Variants in NR3C1 observed in about 807,000 individuals in gnomAD.
The protein encoded by NR3C1 is nuclear receptor subfamily 3 group C member 1, also known as glucocorticoid receptor.
A neutral mutation model predicts 74.0 loss-of-function variants in NR3C1; 14 were observed. The ratio of observed to expected loss-of-function variants is 0.19; its 90% confidence interval spans 0.12 to 0.30. The LOEUF is 0.30. Ranked by LOEUF, NR3C1 falls within the 10% of genes least tolerant of loss-of-function variation. The pLI, the probability that NR3C1 is intolerant of heterozygous loss-of-function variation, is 1.00. For synonymous variants in NR3C1, 308 were observed against 332.5 expected (o/e 0.93, Z 0.80); for missense variants, 695 against 909.8 (o/e 0.76, Z 3.04).
At chr5:143,434,439 T>G in intron 1 of NR3C1, 1 of 646,310 alleles carries the variant, frequency 1.5e-6, no homozygotes, top group Non-Finnish European at 1.9e-6. Context: ...TGTCTTTTTT[T>G]CTGATGCTCT....
intron 2 of NR3C1, among the ~76,000 whole-genome samples, chr5:143,326,012 A>G (rs1300773636): frequency 6.6e-6 from 1 of 152,230 alleles, no homozygotes; most frequent in Non-Finnish European, 1.5e-5. Flanking sequence ...CTGACTTGTA[A>G]TTCTGTGTGT....
At chr5:143,314,740 T>TA (rs1316489870) in intron 2 of NR3C1, among the ~76,000 whole-genome samples, 13 of 152,216 alleles carry the variant, frequency 8.5e-5, no homozygotes, top group Non-Finnish European at 1.5e-4. Flanking sequence ...TTTACAATCT[T>TA]AAAGTTTTTG....
chr5:143,435,219 A>C lies in NR3C1; in HGVS notation c.-701T>G, dbSNP rs72555800. 6 of 985,210 alleles carry C rather than the reference A, an allele frequency of 6.1e-6. No homozygotes were observed. The African/African-American group carries it at 1.0e-4, about 17-fold the overall frequency. The allele number at this position is 985,210 out of a possible 1,614,324, so 61.0% of individuals were successfully genotyped here. On this transcript the variant is annotated 5_prime_UTR_variant, in exon 1 of 9. Transcript: ENST00000343796. ...CTTCTCTTACCCTCTTTCTGTTTCT[A>C]TTCCTTCCCCACTCATGCCCCAGTG...
Position 143,400,451 on chromosome 5 carries a change from T to A in NR3C1, c.389A>T (p.Asn130Ile), listed in dbSNP as rs72481830. The stretch of plus-strand genomic sequence containing the variant: ...GTTCTCTGGAACACTGGTCGACCTA[T>A]TGAGGTTTGCAATGCTTTCTTCCAA... ...KLLEESIANL[N>I]RSTSVPENPK... is the part of the protein sequence containing the mutation. Residue 130 changes from asparagine (N) to isoleucine (I), a missense_variant, in exon 2 of 9, where the codon AAT becomes ATT. By Grantham distance (149) the Asn-to-Ile change is moderately radical. Coordinates refer to ENST00000394464, the MANE Select transcript of NR3C1 (RefSeq NM_000176.3). 3 of 1,614,182 alleles carry A rather than the reference T, an allele frequency of 1.9e-6. No homozygotes were observed. The South Asian group carries it at 3.3e-5, about 18-fold the overall frequency.
intron 1 of NR3C1, among the ~76,000 whole-genome samples, chr5:143,430,784 G>T (rs1328787776): frequency 2.0e-5 from 3 of 152,148 alleles, no homozygotes. Flanking sequence ...CAAATCTATG[G>T]TATTTTTACT....
At chr5:143,406,004 GT>G (rs1479879293), upstream of NR3C1, among the ~76,000 whole-genome samples, 11 of 151,934 alleles carry the variant, frequency 7.2e-5, no homozygotes, top group African/African-American at 2.7e-4. Flanking sequence ...CTACAATAAT[GT>G]TTTACACGTT....
intron 2 of NR3C1, among the ~76,000 whole-genome samples, chr5:143,381,639 T>C (rs2151888979): frequency 6.6e-6 from 1 of 151,952 alleles, no homozygotes; most frequent in South Asian, 2.1e-4. Flanking sequence ...ACACCTACAG[T>C]GAACTCATTT....
At chr5:143,290,963 A>AT (rs1187851592) in intron 7 of NR3C1, among the ~76,000 whole-genome samples, 3 of 151,692 alleles carry the variant, frequency 2.0e-5, no homozygotes, top group Admixed American at 6.6e-5. Flanking sequence ...TTGTTTATGC[A>AT]TTTTTTTCTC....
intron 2 of NR3C1, among the ~76,000 whole-genome samples, chr5:143,368,563 ACACAC>A (rs1185384993): frequency 1.3e-5 from 2 of 151,780 alleles, no homozygotes; most frequent in African/African-American, 2.4e-5. Flanking sequence ...ACACACACAC[ACACAC>A]CGACAACTCA....
intron 2 of NR3C1, among the ~76,000 whole-genome samples, chr5:143,353,662 C>A (rs368910282): frequency 1.3e-5 from 2 of 152,144 alleles, no homozygotes; most frequent in Non-Finnish European, 2.9e-5. Flanking sequence ...TTGAACAGGT[C>A]TTTACAGTGG....
chr5:143,434,237 T>G (rs980781519), intron 1 of NR3C1, among the ~76,000 whole-genome samples: 1 of 152,238 alleles, frequency 6.6e-6, no homozygotes, highest in African/African-American at 2.4e-5. Flanking sequence ...CCTTTCTAGT[T>G]GGAAGCTCCA....
intron 2 of NR3C1, among the ~76,000 whole-genome samples, chr5:143,356,714 G>C (rs898636368): frequency 1.3e-5 from 2 of 149,538 alleles, no homozygotes; most frequent in Admixed American, 1.3e-4. Flanking sequence ...CGCAAATGTT[G>C]TCACATTATT....
intron 2 of NR3C1, among the ~76,000 whole-genome samples, chr5:143,361,781 T>C (rs1832287229): frequency 6.6e-6 from 1 of 152,166 alleles, no homozygotes; most frequent in Admixed American, 6.5e-5. Flanking sequence ...AATTGGAAAC[T>C]TGCACACAAA....
chr5:143,358,540 A>C (rs1008681828), intron 2 of NR3C1, among the ~76,000 whole-genome samples: 1 of 152,228 alleles, frequency 6.6e-6, no homozygotes, highest in African/African-American at 2.4e-5. Flanking sequence ...CTTTAGTTTT[A>C]ATCAGTCTTA....
Position 143,403,345 on chromosome 5 carries a change from C to T in NR3C1, c.-148G>A. ...TTTCTAAAAAAAGGAAGTAAACAGC[C>T]GCCCCTTTCTCCATGGGTGGGGGGA... On this transcript the variant is annotated 5_prime_UTR_variant, in exon 1 of 9. Transcript: ENST00000394464. 2 of 985,488 alleles carry T rather than the reference C, an allele frequency of 2.0e-6. No homozygotes were observed. Among genetic ancestry groups the T allele is most frequent in the Non-Finnish European group, 2.4e-6 (2 of 829,976 alleles). 61.0% of individuals were successfully genotyped at this position (985,488 alleles called of 1,614,324 possible). A position where few individuals can be genotyped will look rare whatever the true frequency, so the allele number is the denominator to read the frequency against.
intron 1 of NR3C1, among the ~76,000 whole-genome samples, chr5:143,414,631 A>G (rs4912909): frequency 0.98 from 148,710 of 152,312 alleles, 72,710 homozygotes; most frequent in Middle Eastern, 1. Flanking sequence ...GCCTCCTGTG[A>G]TTAGTTTATA....
At chr5:143,364,381 C>T (rs1449083974) in intron 2 of NR3C1, among the ~76,000 whole-genome samples, 2 of 152,154 alleles carry the variant, frequency 1.3e-5, no homozygotes, top group South Asian at 2.1e-4. Context: ...CCAACACATG[C>T]TAAAAGGAGT....
intron 4 of NR3C1, among the ~76,000 whole-genome samples, chr5:143,303,915 A>C (rs1474778616): frequency 6.6e-6 from 1 of 152,172 alleles, no homozygotes; most frequent in African/African-American, 2.4e-5. Flanking sequence ...TTGAAGGAAC[A>C]TACCTCAAAG....
chr5:143,426,623 A>T (rs955652997), intron 1 of NR3C1, among the ~76,000 whole-genome samples: 2 of 152,150 alleles, frequency 1.3e-5, no homozygotes, highest in African/African-American at 4.8e-5. Flanking sequence ...AGTTGTCAAG[A>T]CTCCTTTGAC....
Sources: gnomAD v4.1 joint callset for allele counts (sites outside exome capture counted in the v4.1 genomes callset) on GRCh38, gnomAD v4.1.1 for gene constraint, MANE v1.5 for transcripts, NCBI Gene and HGNC (gene_info 2026-07-23, HGNC 2026-07-21) for gene names.